The following ADAM18 variants were observed in gnomAD, a reference collection of about 807,000 sequenced individuals.
ADAM18 encodes disintegrin and metalloproteinase domain-containing protein 18.
ADAM18 carries 117 observed loss-of-function variants against 94.4 expected under a neutral mutation model. The observed-to-expected ratio is 1.24, with a 90% confidence interval of 1.07 to 1.45. The LOEUF (loss-of-function observed/expected upper bound fraction) is 1.45, where lower values mean the gene tolerates loss of function less well. Among genes scored for constraint, ADAM18 ranks in the 40% most tolerant of loss-of-function variants. ADAM18 has a pLI of 0.00. For synonymous variants in ADAM18, 327 were observed against 291.6 expected (o/e 1.12, Z -1.24); for missense variants, 936 against 880.0 (o/e 1.06, Z -0.81).
chr8:39,680,051 G>A lies in ADAM18; in HGVS notation c.1646G>A (p.Gly549Glu), dbSNP rs748944460. Reference protein sequence around the residue: ...LPCERKDVLCGKLACVQPHKN... With the variant: ...LPCERKDVLCEKLACVQPHKN... Reference sequence around the variant, plus strand: ...TCCACTTCCAGGGATGTTCTCTGTGGAAAATTAGCTTGTGTTCAGCCACAT... The same window carrying A: ...TCCACTTCCAGGGATGTTCTCTGTGAAAAATTAGCTTGTGTTCAGCCACAT... The change falls in exon 16 of 20, where the codon GGA becomes GAA. Residue 549 changes from glycine to glutamate, a missense_variant. By Grantham distance (98) the Gly-to-Glu change is moderately conservative. Coordinates refer to ENST00000265707, the MANE Select transcript of ADAM18 (RefSeq NM_014237.3). The A allele has an allele frequency of 1.2e-6, 2 of 1,613,426 alleles. No individual in the cohort carries two copies. Among genetic ancestry groups the A allele is most frequent in the Non-Finnish European group, 8.5e-7 (1 of 1,179,724 alleles).
chr8:39,700,910 C>T (rs1354010802), intron 17 of ADAM18, among the ~76,000 whole-genome samples: 2 of 151,106 alleles, frequency 1.3e-5, no homozygotes, highest in Admixed American at 6.6e-5. Context: ...GTCAGGAGAT[C>T]GAGACCATCC....
At chr8:39,611,214 C>A in intron 6 of ADAM18, 1 of 577,958 alleles carries the variant, frequency 1.7e-6, no homozygotes, top group Non-Finnish European at 2.2e-6. Context: ...TAAAAATATT[C>A]TATTATTCTT....
intron 17 of ADAM18, among the ~76,000 whole-genome samples, chr8:39,701,017 C>T (rs1822055309): frequency 7.1e-6 from 1 of 140,568 alleles, no homozygotes; most frequent in East Asian, 2.2e-4. Context: ...ACTTGGGAGG[C>T]TGAGGCAGGA....
chr8:39,708,874 A>C (rs1822314793), intron 18 of ADAM18, among the ~76,000 whole-genome samples: 1 of 152,240 alleles, frequency 6.6e-6, no homozygotes, highest in Non-Finnish European at 1.5e-5. Context: ...GAGCATTGGC[A>C]GGAGCAAACA....
chr8:39,681,108 G>GA (rs1246352063), intron 16 of ADAM18, among the ~76,000 whole-genome samples: 6 of 152,150 alleles, frequency 3.9e-5, no homozygotes, highest in African/African-American at 1.4e-4. Context: ...AAAAGTTTTG[G>GA]AATGTCACAA....
rs779351803 is a variant in ADAM18 at position 39,584,572 on chromosome 8, C to T, written c.-51C>T. On this transcript the variant is annotated 5_prime_UTR_variant, in exon 1 of 20. Transcript: ENST00000265707. Reference sequence around the variant, plus strand: ...CGAGAGCCTGCCCGCGAGCTCAACGCTGCTCAACGGTCTCTGTCCTTGGCT... The same window carrying T: ...CGAGAGCCTGCCCGCGAGCTCAACGTTGCTCAACGGTCTCTGTCCTTGGCT... 1.2e-6 allele frequency: 2 copies of T among 1,604,270 alleles called. No individual in the cohort carries two copies. Among genetic ancestry groups the T allele is most frequent in the Non-Finnish European group, 8.5e-7 (1 of 1,176,476 alleles).
chr8:39,648,709 G>C (rs1820450602), intron 12 of ADAM18, among the ~76,000 whole-genome samples, 182 bp downstream of exon 12: 1 of 152,142 alleles, frequency 6.6e-6, no homozygotes, highest in South Asian at 2.1e-4. Context: ...AACTGAGAAG[G>C]CAAGTCTGTC....
chr8:39,600,383 G>A (rs1415136546), intron 2 of ADAM18, among the ~76,000 whole-genome samples: 1 of 152,100 alleles, frequency 6.6e-6, no homozygotes, highest in Non-Finnish European at 1.5e-5. Flanking sequence ...ATTTTAATTT[G>A]ATTGGATCCA....
chr8:39,654,073 C>T (rs567985208), intron 12 of ADAM18, among the ~76,000 whole-genome samples: 1 of 150,040 alleles, frequency 6.7e-6, no homozygotes, highest in Non-Finnish European at 1.5e-5. Flanking sequence ...GTGATATTTG[C>T]CTTCTTGTGT....
intron 2 of ADAM18, among the ~76,000 whole-genome samples, chr8:39,594,793 GTTTT>G (rs71237182): frequency 1.5e-4 from 7 of 46,872 alleles, no homozygotes; most frequent in African/African-American, 5.7e-4. Context: ...TTTGCTGTGA[GTTTT>G]TTTTTTTTTT....
chr8:39,591,762 T>C (rs1349976067), intron 2 of ADAM18, among the ~76,000 whole-genome samples: 1 of 152,218 alleles, frequency 6.6e-6, no homozygotes, highest in Admixed American at 6.5e-5. Flanking sequence ...GAATGGTGAA[T>C]TCTTTTCATA....
chr8:39,653,183 G>A (rs1177159647), intron 12 of ADAM18, among the ~76,000 whole-genome samples: 1 of 152,166 alleles, frequency 6.6e-6, no homozygotes, highest in Non-Finnish European at 1.5e-5. Flanking sequence ...TCAGAAGTTT[G>A]TGTGTCAACG....
chr8:39,612,357 C>T (rs1227511740), intron 6 of ADAM18, among the ~76,000 whole-genome samples: 1 of 152,136 alleles, frequency 6.6e-6, no homozygotes, highest in Non-Finnish European at 1.5e-5. Context: ...ATCCCTGGCT[C>T]CCAGCAGCTC....
chr8:39,654,153 C>CTTTTTTTTTTTTTTTTTT (rs1563292600), intron 12 of ADAM18, among the ~76,000 whole-genome samples: 1 of 118,770 alleles, frequency 8.4e-6, no homozygotes, highest in Non-Finnish European at 1.8e-5. Flanking sequence ...GGATTTCATT[C>CTTTTTTTTTTTTTTTTTT]CTTTTTTTTT....
intron 7 of ADAM18, among the ~76,000 whole-genome samples, chr8:39,635,536 A>ATCAAT (rs1163018438): frequency 3.3e-5 from 5 of 152,318 alleles, no homozygotes; most frequent in African/African-American, 1.2e-4. Context: ...TATAATCATA[A>ATCAAT]TATAGTAATC....
intron 2 of ADAM18, among the ~76,000 whole-genome samples, chr8:39,592,319 T>A (rs1818591517): frequency 6.6e-6 from 1 of 152,186 alleles, no homozygotes; most frequent in East Asian, 1.9e-4. Context: ...TTTCACTAAC[T>A]GGTATCTAAA....
intron 16 of ADAM18, among the ~76,000 whole-genome samples, chr8:39,690,606 T>C (rs1009024490): frequency 2.0e-5 from 3 of 152,222 alleles, no homozygotes; most frequent in African/African-American, 7.2e-5. Flanking sequence ...TTTGTATTGT[T>C]GTGCAACTGT....
intron 17 of ADAM18, among the ~76,000 whole-genome samples, chr8:39,705,923 A>G (rs539136372): frequency 6.6e-6 from 1 of 152,224 alleles, no homozygotes; most frequent in East Asian, 1.9e-4. Context: ...TATTTGGTAA[A>G]AATCTATTAA....
chr8:39,724,801 C>T (rs547171609), intron 19 of ADAM18, among the ~76,000 whole-genome samples: 3 of 151,794 alleles, frequency 2.0e-5, no homozygotes, highest in South Asian at 2.1e-4. Context: ...GTGAATTCTT[C>T]CCTTGGACTC....
Sources: allele counts gnomAD v4.1 joint callset (sites outside exome capture counted in the v4.1 genomes callset), GRCh38; gene constraint gnomAD v4.1.1; transcripts MANE v1.5; gene names NCBI Gene and HGNC (gene_info 2026-07-23, HGNC 2026-07-21).